The following PTPRF variants were observed in gnomAD, a reference collection of about 807,000 sequenced individuals.
PTPRF encodes receptor-type tyrosine-protein phosphatase F.
In PTPRF, 59 loss-of-function variants were observed where a neutral mutation model predicts 201.8. That is an observed-to-expected ratio of 0.29 (90% confidence interval 0.24 to 0.36). The LOEUF (loss-of-function observed/expected upper bound fraction) is 0.36, where lower values mean the gene tolerates loss of function less well. Ranked by LOEUF, PTPRF falls within the 10% of genes least tolerant of loss-of-function variation. The pLI, the probability that PTPRF is intolerant of heterozygous loss-of-function variation, is 1.00. For missense variants in PTPRF, 2,132 were observed against 2,690.5 expected (o/e 0.79, Z 4.59); for synonymous variants, 1,088 against 1,089.7 (o/e 1.00, Z 0.03).
intron 3 of PTPRF, among the ~76,000 whole-genome samples, chr1:43,550,914 C>A (rs1644989635): frequency 6.6e-6 from 1 of 152,188 alleles, no homozygotes; most frequent in South Asian, 2.1e-4. Flanking sequence ...GCAGCTTATG[C>A]AAAGGCCCTG....
chr1:43,605,512 C>G lies in PTPRF; in HGVS notation c.3390-17C>G. The G allele has an allele frequency of 2.5e-6, 4 of 1,614,072 alleles. No individual in the cohort carries two copies. Among genetic ancestry groups the G allele is most frequent in the Non-Finnish European group, 3.4e-6 (4 of 1,179,936 alleles). Reference sequence around the variant, plus strand: ...TAACCAGCAGTGACAGTCCTGATTCCTGCCCTGCCCACCCAGGTGGTTCTA... The same window carrying G: ...TAACCAGCAGTGACAGTCCTGATTCGTGCCCTGCCCACCCAGGTGGTTCTA... On this transcript the variant is annotated splice_polypyrimidine_tract_variant and intron_variant, in intron 18 of 33. Transcript: ENST00000359947.
At chr1:43,545,800 T>C (rs573409842) in intron 3 of PTPRF, among the ~76,000 whole-genome samples, 1 of 152,244 alleles carries the variant, frequency 6.6e-6, no homozygotes, top group East Asian at 1.9e-4. Context: ...AACGCCCCTC[T>C]GTGTGTGTTT....
Position 43,605,540 on chromosome 1 carries a change from T to C in PTPRF, c.3401T>C (p.Ile1134Thr). ...QDPSLVRWFY[I>T]VVVPIDRVGG... Reference sequence around the variant, plus strand: ...CCCTGCCCACCCAGGTGGTTCTACATTGTTGTGGTGCCCATTGACCGTGTG... The same window carrying C: ...CCCTGCCCACCCAGGTGGTTCTACACTGTTGTGGTGCCCATTGACCGTGTG... Residue 1134 changes from isoleucine (I) to threonine (T), a missense_variant, in exon 19 of 34, where the codon ATT becomes ACT. Ile to Thr is a moderately conservative substitution (Grantham distance 89). This residue lies in a region of PTPRF where 818 missense variants were observed against 915.3 expected (regional missense o/e 0.89). Coordinates refer to ENST00000359947, the MANE Select transcript of PTPRF (RefSeq NM_002840.5). 1 of 1,614,048 alleles carries C rather than the reference T, an allele frequency of 6.2e-7. No individual in the cohort carries two copies. Among genetic ancestry groups the C allele is most frequent in the Non-Finnish European group, 8.5e-7 (1 of 1,179,966 alleles).
At chr1:43,522,612 C>T (rs555441987), upstream of PTPRF, among the ~76,000 whole-genome samples, 2 of 152,302 alleles carry the variant, frequency 1.3e-5, no homozygotes, top group South Asian at 4.2e-4. Context: ...TGTACTTATT[C>T]AGACTAAGGG....
At chr1:43,540,956 G>A (rs759081750) in intron 2 of PTPRF, among the ~76,000 whole-genome samples, 4 of 152,260 alleles carry the variant, frequency 2.6e-5, no homozygotes, top group South Asian at 2.1e-4. Context: ...CTCCGCGGCC[G>A]CTGCTGCAGT....
rs148042765 is a variant in PTPRF at position 43,602,189 on chromosome 1, C to T, written c.2340+92C>T. 150 of 1,446,716 alleles carry T rather than the reference C, an allele frequency of 1.0e-4. No homozygotes were observed. In the African/African-American group the frequency reaches 1.6e-3, roughly 16 times the overall value. The allele number at this position is 1,446,716 out of a possible 1,614,324, so 89.6% of individuals were successfully genotyped here. Reference sequence around the variant, plus strand: ...CTCCCTCCTTTCCTGCTAGCCTGCACTGCCAAGATCCACAGGGCTCTAGCC... The same window carrying T: ...CTCCCTCCTTTCCTGCTAGCCTGCATTGCCAAGATCCACAGGGCTCTAGCC... On this transcript the variant is annotated intron_variant, in intron 14 of 33. Transcript: ENST00000359947.
intron 6 of PTPRF, among the ~76,000 whole-genome samples, chr1:43,575,452 C>A (rs914890482): frequency 6.6e-6 from 1 of 152,164 alleles, no homozygotes; most frequent in African/African-American, 2.4e-5. Flanking sequence ...CCATGGCAAG[C>A]CCTCCCTTTA....
intron 5 of PTPRF, among the ~76,000 whole-genome samples, chr1:43,555,585 A>G (rs1288250948): frequency 2.0e-5 from 3 of 151,716 alleles, no homozygotes; most frequent in Admixed American, 2.0e-4. Context: ...AGCTGGGACT[A>G]CAGGTGCGCA....
chr1:43,598,970 C>T (rs2154021606), intron 13 of PTPRF, 57 bp downstream of exon 13: 2 of 1,556,370 alleles, frequency 1.3e-6, no homozygotes, highest in East Asian at 4.5e-5. Flanking sequence ...CATGCACAAG[C>T]TCCCTTTTGG....
At chr1:43,590,870 CT>C in intron 8 of PTPRF, 101 bp from the exon 9 acceptor site, 1 of 1,123,786 alleles carries the variant, frequency 8.9e-7, no homozygotes. Flanking sequence ...ATCAGCCACA[CT>C]CAGGTGACCC....
At chr1:43,574,299 G>T (rs897453766) in intron 6 of PTPRF, among the ~76,000 whole-genome samples, 4 of 152,024 alleles carry the variant, frequency 2.6e-5, no homozygotes, top group Non-Finnish European at 4.4e-5. Context: ...CCCAGCCATT[G>T]TGTGGGTTAT....
chr1:43,598,170 AG>A (rs1407135433), intron 12 of PTPRF, 117 bp downstream of exon 12: 1 of 1,126,220 alleles, frequency 8.9e-7, no homozygotes, highest in Non-Finnish European at 1.2e-6. Flanking sequence ...TTTCTGGTTC[AG>A]GTGTAATGGC....
At position 43,538,650 on chromosome 1, in the gene PTPRF, G is replaced by C. The variant is rs550786667; in HGVS notation, c.-46+373G>C. On this transcript the variant is annotated intron_variant, in intron 2 of 33. Coordinates refer to ENST00000359947, the MANE Select transcript of PTPRF (RefSeq NM_002840.5). ...GTCAGCTACTGTAGGTGTGAAATAG[G>C]CTTCCGGGTGATGTCCTGGGACTTA... Among the ~76,000 whole-genome samples, 211 of 152,322 alleles carry C rather than the reference G, an allele frequency of 1.4e-3. 1 individual carries two copies. Among genetic ancestry groups the C allele is most frequent in the Admixed American group, 1.5e-3 (23 of 15,304 alleles).
chr1:43,621,020 G>A, intron 32 of PTPRF, 28 bp downstream of exon 32: 1 of 1,610,668 alleles, frequency 6.2e-7, no homozygotes, highest in South Asian at 1.1e-5. Context: ...GAGGGCTGGG[G>A]TGGGTGGGCC....
In PTPRF at chr1:43,598,825, G is replaced by A. The variant is rs1653024316; in HGVS notation, c.2225G>A (p.Arg742His). ...CCCAGCAAGCAGCATGGCCAGATCC[G>A]CGGCTACCAGGTCACCTACGTGCGG... ...PVPSKQHGQI[R>H]GYQVTYVRLE... Residue 742 changes from arginine (R) to histidine (H), a missense_variant, in exon 13 of 34, where the codon CGC (arginine) becomes CAC (histidine). Arg to His is a conservative substitution (Grantham distance 29). Around this residue, in one of 6 missense-constraint regions of PTPRF, gnomAD observed 125 missense variants for 211.9 expected, o/e 0.59. Coordinates refer to ENST00000359947, the MANE Select transcript of PTPRF (RefSeq NM_002840.5). 3 of 1,614,198 alleles carry A rather than the reference G, an allele frequency of 1.9e-6. No individual in the cohort carries two copies. The highest frequency in any genetic ancestry group is 1.1e-5 in the South Asian group (1 of 91,088).
At chr1:43,608,887 A>G (rs1222087155) in intron 21 of PTPRF, among the ~76,000 whole-genome samples, 5 of 152,190 alleles carry the variant, frequency 3.3e-5, no homozygotes. Context: ...CCAGTGAGAG[A>G]GGACTCTGCC....
At chr1:43,611,576 G>C (rs1454472138) in intron 22 of PTPRF, among the ~76,000 whole-genome samples, 2 of 152,162 alleles carry the variant, frequency 1.3e-5, no homozygotes, top group East Asian at 3.8e-4. Flanking sequence ...CAGGGAGGTA[G>C]GTATTAAAGG....
chr1:43,593,402 C>A (rs375053852), intron 11 of PTPRF, among the ~76,000 whole-genome samples: 4 of 152,146 alleles, frequency 2.6e-5, no homozygotes, highest in East Asian at 3.9e-4. Flanking sequence ...TCGGTAGCCC[C>A]CCAGACAGTA....
chr1:43,610,697 CCAT>C (rs1656229975), intron 22 of PTPRF, among the ~76,000 whole-genome samples: 2 of 152,056 alleles, frequency 1.3e-5, no homozygotes, highest in South Asian at 4.1e-4. Context: ...TAATGAAATC[CCAT>C]CTCTACTAAA....
Sources: gnomAD v4.1 joint callset for allele counts (sites outside exome capture counted in the v4.1 genomes callset) on GRCh38, gnomAD v4.1.1 for gene constraint, gnomAD v4.1.1 regional missense constraint, MANE v1.5 for transcripts, NCBI Gene and HGNC (gene_info 2026-07-23, HGNC 2026-07-21) for gene names.